RNFT2: variants seen among roughly 807,000 people sequenced by gnomAD.
The protein encoded by RNFT2 is ring finger protein, transmembrane 2.
In RNFT2, 36 loss-of-function variants were observed where a neutral mutation model predicts 53.0. The observed-to-expected ratio is 0.68, with a 90% CI of 0.52 to 0.90. The LOEUF (loss-of-function observed/expected upper bound fraction) is 0.90. RNFT2 is among the 40% of genes least tolerant of loss of function. The probability of loss-of-function intolerance (pLI) is 0.00; values close to 1 mark genes in which losing one functional copy is unlikely to be tolerated. For missense variants in RNFT2, 514 were observed against 585.6 expected, an observed-to-expected ratio of 0.88 and a Z score of 1.26; for synonymous variants, 260 against 253.2, an observed-to-expected ratio of 1.03 and a Z score of -0.26.
rs190186268 is a variant in RNFT2, at chr12:116,772,463, C to T, written c.728+5549C>T. 2.4e-3 allele frequency among the ~76,000 whole-genome samples: 370 copies of T among 152,164 alleles called. 1 individual carries two copies. Among genetic ancestry groups the T allele is most frequent in the African/African-American group, 8.4e-3 (349 of 41,508 alleles). ...CTGGAATTACAGGCATGTGCCACCA[C>T]GCCCGGCTGATTTTTGTATTTTTAG... On this transcript the variant is annotated intron_variant, in intron 6 of 10. Coordinates refer to ENST00000257575, the MANE Select transcript of RNFT2 (RefSeq NM_001382266.1).
intron 7 of RNFT2, among the ~76,000 whole-genome samples, chr12:116,799,126 T>C (rs1042185328): frequency 1.3e-5 from 2 of 152,226 alleles, no homozygotes; most frequent in African/African-American, 4.8e-5. Flanking sequence ...GAATCAGTTC[T>C]GTGTGATCGT....
At chr12:116,738,702 C>T (rs1207052576) in intron 1 of RNFT2, 1 of 152,162 alleles carries the variant, frequency 6.6e-6, no homozygotes, top group Non-Finnish European at 1.5e-5. Context: ...TCAGATGCAT[C>T]CCGCGTGCAA....
chr12:116,795,473 G>A (rs547719964), intron 7 of RNFT2, among the ~76,000 whole-genome samples: 4 of 151,786 alleles, frequency 2.6e-5, no homozygotes, highest in South Asian at 4.2e-4. Context: ...CGGGAACTGC[G>A]CTGTCTAATA....
chr12:116,769,083 G>T (rs1267220723), intron 6 of RNFT2, among the ~76,000 whole-genome samples: 1 of 152,094 alleles, frequency 6.6e-6, no homozygotes, highest in Non-Finnish European at 1.5e-5. Context: ...AAGTTGGCCG[G>T]GCGCAGTGGC....
intron 7 of RNFT2, among the ~76,000 whole-genome samples, chr12:116,785,293 G>GTTTGTTTCGT (rs1566080532): frequency 6.8e-6 from 1 of 146,148 alleles, no homozygotes; most frequent in African/African-American, 2.6e-5. Flanking sequence ...GGGGTTGTTT[G>GTTTGTTTCGT]TTTGTTTTGT....
chr12:116,755,316 A>G (rs984604053), intron 5 of RNFT2: 7 of 675,774 alleles, frequency 1.0e-5, no homozygotes, highest in Middle Eastern at 3.9e-4. Context: ...TGGGTTCTCT[A>G]TTCTGTTCCA....
intron 1 of RNFT2, among the ~76,000 whole-genome samples, chr12:116,740,081 C>T (rs1426259873): frequency 6.6e-6 from 1 of 151,912 alleles, no homozygotes; most frequent in Non-Finnish European, 1.5e-5. Context: ...TGTCGCATGC[C>T]TGTAAGCCTG....
intron 10 of RNFT2, among the ~76,000 whole-genome samples, chr12:116,846,442 T>G (rs1038163103): frequency 7.2e-6 from 1 of 139,262 alleles, no homozygotes. Flanking sequence ...AGCTAATTTT[T>G]TTTTTTTGTA....
chr12:116,846,356 C>T (rs1429013597), intron 10 of RNFT2, among the ~76,000 whole-genome samples: 2 of 151,844 alleles, frequency 1.3e-5, no homozygotes, highest in Non-Finnish European at 2.9e-5. Context: ...CATACAGCCT[C>T]AACCTCCTGG....
At chr12:116,791,102 C>T (rs1874211482) in intron 7 of RNFT2, among the ~76,000 whole-genome samples, 1 of 152,238 alleles carries the variant, frequency 6.6e-6, no homozygotes, top group African/African-American at 2.4e-5. Context: ...AGAAGGAAAC[C>T]TTGTCCCCAC....
rs1465447117 is a variant in RNFT2, at chr12:116,741,087, C to T, written c.76C>T (p.Pro26Ser). Residue 26 changes from proline (P) to serine (S), a missense_variant, in exon 3 of 11, where the codon CCT becomes TCT. Pro to Ser is a moderately conservative substitution (Grantham distance 74, BLOSUM62 -1). Around this residue, in one of 3 missense-constraint regions of RNFT2, gnomAD observed 237 missense variants for 235.1 expected, o/e 1.01. Transcript: ENST00000257575. ...CAGCAGCAACACGGATAACATTCCA[C>T]CTGAAAGGTAGGCATCCCTGCTTCT... ...RHSSNTDNIP[P>S]ERNRSQALSS... The T allele has an allele frequency of 1.2e-6, 2 of 1,609,602 alleles. No homozygotes were observed. Among genetic ancestry groups the T allele is most frequent in the Non-Finnish European group, 1.7e-6 (2 of 1,177,932 alleles).
rs916378151 is a variant in RNFT2 at position 116,739,800 on chromosome 12, C to T, written c.-153-545C>T. Among the ~76,000 whole-genome samples, 16 of 152,184 alleles carry T rather than the reference C, an allele frequency of 1.1e-4. No individual in the cohort carries two copies. The South Asian group carries it at 2.9e-3, about 28-fold the overall frequency. On this transcript the variant is annotated intron_variant, in intron 1 of 10. Coordinates refer to ENST00000257575, the MANE Select transcript of RNFT2 (RefSeq NM_001382266.1). ...GAACCCGTAGGCTATGGACAGAGCTCGGGTTTGATTCTGATTGCACTGGGC... is the reference window on the plus strand; with the variant it reads ...GAACCCGTAGGCTATGGACAGAGCTTGGGTTTGATTCTGATTGCACTGGGC...
At chr12:116,823,327 G>T (rs1231477871) in intron 7 of RNFT2, among the ~76,000 whole-genome samples, 1 of 152,162 alleles carries the variant, frequency 6.6e-6, no homozygotes, top group Admixed American at 6.5e-5. Flanking sequence ...CAGAGGATGC[G>T]CACCTAGCTA....
intron 5 of RNFT2, among the ~76,000 whole-genome samples, chr12:116,765,394 C>A (rs903975580): frequency 6.6e-6 from 1 of 152,186 alleles, no homozygotes; most frequent in African/African-American, 2.4e-5. Flanking sequence ...CGTCCACTCT[C>A]TGGAAATGTG....
At chr12:116,819,671 C>T (rs1227428492) in intron 7 of RNFT2, among the ~76,000 whole-genome samples, 1 of 152,184 alleles carries the variant, frequency 6.6e-6, no homozygotes, top group Non-Finnish European at 1.5e-5. Context: ...AGCCCCGCCC[C>T]GCTGGCCCCG....
At chr12:116,768,307 G>T (rs905102032) in intron 6 of RNFT2, among the ~76,000 whole-genome samples, 1 of 151,924 alleles carries the variant, frequency 6.6e-6, no homozygotes, top group Non-Finnish European at 1.5e-5. Flanking sequence ...CACCATGTTG[G>T]CCAGGCTGGT....
chr12:116,797,843 T>C (rs552053443), intron 7 of RNFT2, among the ~76,000 whole-genome samples: 1 of 152,344 alleles, frequency 6.6e-6, no homozygotes, highest in East Asian at 1.9e-4. Flanking sequence ...GGGCAGTTTA[T>C]GCAGAAATTT....
In RNFT2 at chr12:116,778,165, G is replaced by A. The variant is rs185646064; in HGVS notation, c.729-1030G>A. ...TCCTTCCTTCCTTTTGCCTCCTCTC[G>A]TAAAGCCTGTTGTGGACCCACAAAA... On this transcript the variant is annotated intron_variant, in intron 6 of 10. Transcript: ENST00000257575. Among the ~76,000 whole-genome samples, 1,070 of 150,602 alleles carry A rather than the reference G, an allele frequency of 7.1e-3. 7 individuals are homozygous for A. Among genetic ancestry groups the A allele is most frequent in the Non-Finnish European group, 0.012 (836 of 67,784 alleles).
At chr12:116,786,730 A>G (rs1203737307) in intron 7 of RNFT2, among the ~76,000 whole-genome samples, 1 of 152,188 alleles carries the variant, frequency 6.6e-6, no homozygotes, top group Non-Finnish European at 1.5e-5. Context: ...AATAACAGAA[A>G]TTTGTTCTCT....
Sources: allele counts gnomAD v4.1 joint callset (sites outside exome capture counted in the v4.1 genomes callset), GRCh38; gene constraint gnomAD v4.1.1; regional missense constraint gnomAD v4.1.1; transcripts MANE v1.5; gene names NCBI Gene and HGNC (gene_info 2026-07-23, HGNC 2026-07-21).